The following TMEM150C variants were observed in gnomAD, a reference collection of about 807,000 sequenced individuals.
TMEM150C encodes the protein transmembrane protein 150C.
A neutral mutation model predicts 29.9 loss-of-function variants in TMEM150C; 10 were observed. The ratio of observed to expected loss-of-function variants is 0.33; its 90% CI spans 0.21 to 0.57. The LOEUF (loss-of-function observed/expected upper bound fraction) is 0.57. Ranked by LOEUF, TMEM150C falls within the 20% of genes least tolerant of loss-of-function variation. TMEM150C has a pLI of 0.88. For synonymous variants in TMEM150C, 101 were observed against 112.5 expected (o/e 0.90, Z 0.64); for missense variants, 251 against 303.6 (o/e 0.83, Z 1.29).
At chr4:82,489,336 C>T (rs1723259179) in intron 7 of TMEM150C, among the ~76,000 whole-genome samples, 1 of 152,048 alleles carries the variant, frequency 6.6e-6, no homozygotes, top group South Asian at 2.1e-4. Flanking sequence ...GAGTGAGGTG[C>T]TCTCCTCTGC....
intron 5 of TMEM150C, among the ~76,000 whole-genome samples, chr4:82,500,089 TG>T (rs1249597371): frequency 6.6e-6 from 1 of 152,158 alleles, no homozygotes; most frequent in Non-Finnish European, 1.5e-5. Flanking sequence ...TCCTACCCCG[TG>T]GAAAGAAATG....
At chr4:82,521,306 T>C (rs947974305) in intron 1 of TMEM150C, among the ~76,000 whole-genome samples, 2 of 152,194 alleles carry the variant, frequency 1.3e-5, no homozygotes, top group South Asian at 2.1e-4. Context: ...TCCTTGTTTT[T>C]CCCCAGTCTC....
At chr4:82,543,200 C>T (rs1209098823) in intron 1 of TMEM150C, among the ~76,000 whole-genome samples, 1 of 152,178 alleles carries the variant, frequency 6.6e-6, no homozygotes, top group East Asian at 1.9e-4. Context: ...TCTCATTCTA[C>T]TTCCTCTTTA....
At chr4:82,497,157 C>T (rs1348478386) in intron 5 of TMEM150C, among the ~76,000 whole-genome samples, 2 of 151,832 alleles carry the variant, frequency 1.3e-5, no homozygotes, top group African/African-American at 4.8e-5. Flanking sequence ...TAAGGATGAC[C>T]TTTTTTTTGC....
Position 82,484,425 on chromosome 4 carries a change from A to G in TMEM150C, c.*1086T>C, listed in dbSNP as rs1723096132. ...AGCCCTTAATCCAAAAAAAAAAAAA[A>G]CCCTACTAAATTTGAGCAAAAGATA... On this transcript the variant is annotated 3_prime_UTR_variant, in exon 8 of 8. Coordinates refer to ENST00000449862, the MANE Select transcript of TMEM150C (RefSeq NM_001080506.3). The G allele has an allele frequency of 6.6e-6, 1 of 151,076 alleles. No individual in the cohort carries two copies. Among genetic ancestry groups the G allele is most frequent in the South Asian group, 2.1e-4 (1 of 4,792 alleles). The allele number at this position is 151,076 out of a possible 1,614,324, so 9.4% of individuals were successfully genotyped here.
intron 1 of TMEM150C, among the ~76,000 whole-genome samples, chr4:82,513,623 C>CTA (rs1323773402): frequency 6.6e-6 from 1 of 151,934 alleles, no homozygotes; most frequent in Non-Finnish European, 1.5e-5. Context: ...TTCTATTGAG[C>CTA]CTCTACCCGG....
chr4:82,523,349 G>A (rs928944001), intron 1 of TMEM150C, among the ~76,000 whole-genome samples: 1 of 152,164 alleles, frequency 6.6e-6, no homozygotes, highest in Admixed American at 6.5e-5. Context: ...TCAGGGGATT[G>A]GTTTGACTAG....
At chr4:82,508,891 C>T (rs1377766550) in intron 1 of TMEM150C, among the ~76,000 whole-genome samples, 6 of 152,278 alleles carry the variant, frequency 3.9e-5, no homozygotes, top group Non-Finnish European at 8.8e-5. Context: ...TCTAGGACAA[C>T]GTCACCTCAT....
intron 1 of TMEM150C, among the ~76,000 whole-genome samples, chr4:82,509,518 G>A (rs1328175423): frequency 4.6e-5 from 7 of 152,026 alleles, no homozygotes; most frequent in African/African-American, 9.7e-5. Flanking sequence ...ATTCACGGCC[G>A]GGTGGGGTGG....
chr4:82,527,695 C>T (rs187974202), intron 1 of TMEM150C, among the ~76,000 whole-genome samples: 25 of 152,276 alleles, frequency 1.6e-4, no homozygotes, highest in Admixed American at 5.2e-4. Context: ...ACTTCTAACT[C>T]CAGCATCAGA....
In TMEM150C at chr4:82,544,980, T is replaced by C. The variant is rs1725323906; in HGVS notation, c.-11+16926A>G. Among the ~76,000 whole-genome samples, 2 of 152,142 alleles carry C rather than the reference T, an allele frequency of 1.3e-5. 1 individual carries two copies. The highest frequency in any genetic ancestry group is 2.9e-5 in the Non-Finnish European group (2 of 68,034). ...TTCTACCAGATGTACAAGGAAGAGC[T>C]GGTACCAATTCTACTGGAACTAGTC... On this transcript the variant is annotated intron_variant, in intron 1 of 7. Transcript: ENST00000449862.
intron 6 of TMEM150C, among the ~76,000 whole-genome samples, chr4:82,492,966 T>G (rs911038789): frequency 6.7e-6 from 1 of 148,838 alleles, no homozygotes; most frequent in Non-Finnish European, 1.5e-5. Context: ...AAGTTCACTA[T>G]GTATTTACAT....
Position 82,485,839 on chromosome 4 carries a change from C to T in TMEM150C, c.542-120G>A, listed in dbSNP as rs1202933960. On this transcript the variant is annotated intron_variant, in intron 7 of 7. Transcript: ENST00000449862. Reference sequence around the variant, plus strand: ...TCCTCATCACTAGAAAAACTGGTAGCCTGCTAGAGCTTGTTGAACACGAAA... The same window carrying T: ...TCCTCATCACTAGAAAAACTGGTAGTCTGCTAGAGCTTGTTGAACACGAAA... 4.9e-6 allele frequency: 4 copies of T among 821,656 alleles called. No individual in the cohort carries two copies. In the Admixed American group the frequency reaches 1.2e-4, roughly 24 times the overall value. 50.9% of individuals were successfully genotyped at this position (821,656 alleles called of 1,614,324 possible).
chr4:82,500,286 G>A (rs773279379), intron 5 of TMEM150C, among the ~76,000 whole-genome samples: 10 of 152,194 alleles, frequency 6.6e-5, no homozygotes, highest in African/African-American at 1.2e-4. Context: ...AGGCGGTGTG[G>A]GTTATTTCTT....
intron 1 of TMEM150C, among the ~76,000 whole-genome samples, chr4:82,555,961 T>C (rs1725722221): frequency 1.3e-5 from 2 of 152,242 alleles, no homozygotes; most frequent in African/African-American, 4.8e-5. Flanking sequence ...TGAACCGGTA[T>C]ACACATATAC....
At chr4:82,549,041 G>C (rs1429374800) in intron 1 of TMEM150C, among the ~76,000 whole-genome samples, 1 of 152,032 alleles carries the variant, frequency 6.6e-6, no homozygotes, top group African/African-American at 2.4e-5. Context: ...TACTTCAGAA[G>C]GCAGAGATGG....
chr4:82,528,604 C>T (rs1432663193), intron 1 of TMEM150C, among the ~76,000 whole-genome samples: 1 of 147,012 alleles, frequency 6.8e-6, no homozygotes, highest in African/African-American at 2.7e-5. Flanking sequence ...TTTCCTCGTC[C>T]CTTTTTTTTT....
At chr4:82,500,213 A>T (rs528599944) in intron 5 of TMEM150C, among the ~76,000 whole-genome samples, 100 of 152,364 alleles carry the variant, frequency 6.6e-4, no homozygotes, top group African/African-American at 2.3e-3. Flanking sequence ...AATACATGCT[A>T]CACTGACTCA....
chr4:82,547,993 A>G (rs1214731561), intron 1 of TMEM150C, among the ~76,000 whole-genome samples: 2 of 152,270 alleles, frequency 1.3e-5, no homozygotes, highest in African/African-American at 4.8e-5. Flanking sequence ...AAAATGTGGT[A>G]CATATACACC....
Sources: gnomAD v4.1 joint callset for allele counts (sites outside exome capture counted in the v4.1 genomes callset) on GRCh38, gnomAD v4.1.1 for gene constraint, MANE v1.5 for transcripts, NCBI Gene and HGNC (gene_info 2026-07-23, HGNC 2026-07-21) for gene names.